The following ARHGAP6 variants were observed in gnomAD, a reference collection of about 807,000 sequenced individuals.
ARHGAP6 encodes rho GTPase-activating protein 6.
In ARHGAP6, 16 loss-of-function variants were observed where a neutral mutation model predicts 55.7. That is an observed-to-expected ratio of 0.29 (90% CI 0.19 to 0.44). ARHGAP6 has a LOEUF of 0.44. Among genes scored for constraint, ARHGAP6 ranks in the 20% least tolerant of loss-of-function variants. The pLI is 1.00. For missense variants in ARHGAP6, 698 were observed against 808.9 expected (o/e 0.86, Z 1.66); for synonymous variants, 382 against 360.9 (o/e 1.06, Z -0.66).
chrX:11,234,377 C>A (rs2047171501), intron 2 of ARHGAP6, among the ~76,000 whole-genome samples: 1 of 112,332 alleles, frequency 8.9e-6, no homozygotes, highest in African/African-American at 3.2e-5. Flanking sequence ...TATTTGGAGC[C>A]TTTCCTACTG....
rs770700031 is a variant in ARHGAP6 at position 11,237,372 on chromosome X, T to A, written c.748+17176A>T. Among the ~76,000 whole-genome samples, 6 of 111,951 alleles carry A rather than the reference T, an allele frequency of 5.4e-5. No individual in the cohort carries two copies. The East Asian group carries it at 1.7e-3, about 32-fold the overall frequency. ...GTGGTTTTTAGCCCACACAAAGTTT[T>A]ATAAAAAGTTAAGTCCTAATGCAAA... On this transcript the variant is annotated intron_variant, in intron 2 of 12. Coordinates refer to ENST00000337414, the MANE Select transcript of ARHGAP6 (RefSeq NM_013427.3).
intron 1 of ARHGAP6, among the ~76,000 whole-genome samples, chrX:11,476,119 A>T (rs1323906315): frequency 9.0e-6 from 1 of 110,621 alleles, no homozygotes; most frequent in Admixed American, 9.7e-5. Context: ...CAGAAAAGAC[A>T]ATCATGTATT....
intron 2 of ARHGAP6, among the ~76,000 whole-genome samples, chrX:11,227,391 C>T (rs964568379): frequency 6.3e-5 from 7 of 111,720 alleles, no homozygotes; most frequent in East Asian, 5.6e-4. Flanking sequence ...GCACGTTTAC[C>T]GCTGTAATGG....
intron 9 of ARHGAP6, among the ~76,000 whole-genome samples, chrX:11,160,413 T>C (rs917819978): frequency 7.6e-5 from 8 of 105,652 alleles, no homozygotes; most frequent in African/African-American, 2.8e-4. Flanking sequence ...GCCGAGATCA[T>C]GCCACTGCAC....
Position 11,528,246 on chromosome X carries a change from T to C in ARHGAP6, c.588+135995A>G, listed in dbSNP as rs966397884. Among the ~76,000 whole-genome samples, 5 of 112,231 alleles carry C rather than the reference T, an allele frequency of 4.5e-5. No homozygotes were observed. The Admixed American group carries it at 4.7e-4, about 11-fold the overall frequency. On this transcript the variant is annotated intron_variant, in intron 1 of 12. Coordinates refer to ENST00000337414, the MANE Select transcript of ARHGAP6 (RefSeq NM_013427.3). ...AAGTCTTATTAAATTCAACTTAAAC[T>C]ACACTGAGCTATTGATTGAACTATT...
intron 2 of ARHGAP6, among the ~76,000 whole-genome samples, chrX:11,222,205 A>T (rs764202746): frequency 8.9e-5 from 10 of 112,346 alleles, no homozygotes; most frequent in Non-Finnish European, 1.9e-4. Context: ...ACTGACTGTT[A>T]TAGGACCATT....
intron 1 of ARHGAP6, among the ~76,000 whole-genome samples, chrX:11,490,657 A>G (rs12012280): frequency 0.11 from 12,080 of 111,810 alleles, 629 homozygotes; most frequent in East Asian, 0.18. Flanking sequence ...TGTGATTTCA[A>G]ACTGCAATTC....
chrX:11,366,932 GATGGA>G lies in ARHGAP6; in HGVS notation c.589-112230_589-112226del, dbSNP rs756523926. Among the ~76,000 whole-genome samples, 483 of 112,016 alleles carry G rather than the reference GATGGA, an allele frequency of 4.3e-3. 3 individuals are homozygous for G. The highest frequency in any genetic ancestry group is 0.015 in the African/African-American group (463 of 30,826). On this transcript the variant is annotated intron_variant, in intron 1 of 12. Coordinates refer to ENST00000337414, the MANE Select transcript of ARHGAP6 (RefSeq NM_013427.3). Reference sequence around the variant, plus strand: ...TACAGTGAGAGGAGAAGAGGCCTAAGATGGAAGTATGTTTAAGGAGCAGGTGAGGA... The same window carrying G: ...TACAGTGAGAGGAGAAGAGGCCTAAGAGTATGTTTAAGGAGCAGGTGAGGA...
At chrX:11,424,327 GA>G (rs1029166859) in intron 1 of ARHGAP6, among the ~76,000 whole-genome samples, 4 of 112,627 alleles carry the variant, frequency 3.6e-5, no homozygotes, top group Non-Finnish European at 5.6e-5. Context: ...ATTTCAGACT[GA>G]AATTGACCTA....
intron 2 of ARHGAP6, among the ~76,000 whole-genome samples, chrX:11,235,990 T>G (rs1317182817): frequency 8.9e-6 from 1 of 111,965 alleles, no homozygotes; most frequent in African/African-American, 3.2e-5. Context: ...CTCCAACCTT[T>G]GCCTATTACT....
At chrX:11,643,398 C>T (rs1483357279) in intron 1 of ARHGAP6, among the ~76,000 whole-genome samples, 3 of 112,035 alleles carry the variant, frequency 2.7e-5, no homozygotes, top group African/African-American at 9.7e-5. Context: ...ACCTTTCTAA[C>T]GCCAGAATTA....
intron 1 of ARHGAP6, among the ~76,000 whole-genome samples, chrX:11,319,070 A>G (rs770612666): frequency 2.7e-4 from 30 of 112,518 alleles, no homozygotes; most frequent in Non-Finnish European, 5.6e-5. Context: ...CAATCATATA[A>G]TAAGTAAAAG....
chrX:11,179,050 T>A (rs1421206337), intron 7 of ARHGAP6, among the ~76,000 whole-genome samples: 1 of 112,289 alleles, frequency 8.9e-6, no homozygotes, highest in Non-Finnish European at 1.9e-5. Context: ...CTCATAGTAC[T>A]TTTTACTGTT....
chrX:11,429,746 A>C (rs769464969), intron 1 of ARHGAP6, among the ~76,000 whole-genome samples: 18 of 111,682 alleles, frequency 1.6e-4, no homozygotes, highest in Non-Finnish European at 2.6e-4. Context: ...TCGAAAAATG[A>C]CACACTAAAG....
chrX:11,240,553 A>G (rs1257377158), intron 2 of ARHGAP6, among the ~76,000 whole-genome samples: 1 of 111,649 alleles, frequency 9.0e-6, no homozygotes, highest in Non-Finnish European at 1.9e-5. Flanking sequence ...TGGCTTGGGA[A>G]TATTATTTAC....
intron 1 of ARHGAP6, among the ~76,000 whole-genome samples, chrX:11,562,681 C>G (rs1233363953): frequency 9.0e-6 from 1 of 110,667 alleles, no homozygotes; most frequent in East Asian, 2.8e-4. Flanking sequence ...CTAAAAGTCT[C>G]AAAATAGAGT....
intron 2 of ARHGAP6, among the ~76,000 whole-genome samples, chrX:11,241,230 G>A (rs1036774855): frequency 9.1e-6 from 1 of 110,373 alleles, no homozygotes. Flanking sequence ...ATCCCTCTCT[G>A]GGGTCTTTGA....
At chrX:11,157,152 C>T (rs720061) in intron 9 of ARHGAP6, among the ~76,000 whole-genome samples, 16,008 of 111,417 alleles carry the variant, frequency 0.14, 1,066 homozygotes, top group Middle Eastern at 0.25. Context: ...CCCTTGACAA[C>T]GTACATCGAC....
chrX:11,398,992 T>G (rs1424802775), intron 1 of ARHGAP6, among the ~76,000 whole-genome samples: 1 of 112,177 alleles, frequency 8.9e-6, no homozygotes, highest in Non-Finnish European at 1.9e-5. Flanking sequence ...TCAAAATAAC[T>G]TACATGGTAC....
Sources: gnomAD v4.1 joint callset for allele counts (sites outside exome capture counted in the v4.1 genomes callset) on GRCh38, gnomAD v4.1.1 for gene constraint, MANE v1.5 for transcripts, NCBI Gene and HGNC (gene_info 2026-07-23, HGNC 2026-07-21) for gene names.